KMT2C: variants seen among roughly 807,000 people sequenced by gnomAD.
The protein encoded by KMT2C is histone-lysine N-methyltransferase 2C.
Under a neutral mutation model 507.9 loss-of-function variants are expected in KMT2C, and 88 were observed. The ratio of observed to expected loss-of-function variants is 0.17; its 90% CI spans 0.15 to 0.21. The LOEUF is 0.21. Ranked by LOEUF, KMT2C falls within the 10% of genes least tolerant of loss-of-function variation. KMT2C has a pLI of 1.00. For synonymous variants in KMT2C, 2,049 were observed against 2,080.8 expected, an observed-to-expected ratio of 0.98 and a Z score of 0.42; for missense variants, 4,954 against 5,957.8, an observed-to-expected ratio of 0.83 and a Z score of 5.55.
intron 31 of KMT2C, among the ~76,000 whole-genome samples, chr7:152,192,155 T>C (rs2093815727): frequency 6.6e-6 from 1 of 152,238 alleles, no homozygotes; most frequent in Non-Finnish European, 1.5e-5. Flanking sequence ...ACATCTTTGA[T>C]TTTTAAAATA....
intron 3 of KMT2C, among the ~76,000 whole-genome samples, chr7:152,323,833 G>A (rs1171258442): frequency 1.4e-5 from 2 of 145,748 alleles, no homozygotes; most frequent in African/African-American, 5.3e-5. Flanking sequence ...TTAAGGAAGA[G>A]TGGGGAGAGA....
intron 6 of KMT2C, among the ~76,000 whole-genome samples, chr7:152,308,673 CAAA>C (rs938826373): frequency 0.021 from 514 of 24,490 alleles, 8 homozygotes; most frequent in African/African-American, 0.073. Context: ...AAACTCCTCT[CAAA>C]AAAAAAAAAA....
At chr7:152,426,235 T>C (rs908539863) in intron 1 of KMT2C, among the ~76,000 whole-genome samples, 1 of 145,626 alleles carries the variant, frequency 6.9e-6, no homozygotes. Context: ...TCATAGTTTT[T>C]TTTTTTTTTT....
At chr7:152,301,497 G>A (rs1446585497) in intron 6 of KMT2C, among the ~76,000 whole-genome samples, 1 of 152,000 alleles carries the variant, frequency 6.6e-6, no homozygotes, top group East Asian at 1.9e-4. Context: ...GACAGTGTGA[G>A]ACTCCATCTC....
chr7:152,198,179 A>T (rs935811028), intron 27 of KMT2C, among the ~76,000 whole-genome samples: 44 of 152,230 alleles, frequency 2.9e-4, no homozygotes, highest in Admixed American at 8.5e-4. Context: ...ACAGAATTAA[A>T]GTAGGAGGTA....
chr7:152,159,075 A>G lies in KMT2C; in HGVS notation c.11461-3T>C, dbSNP rs754380558. ...TGCATTTGAGCCCCCAAAGTTTGCT[A>G]ATGTAATTGGAAAGGGTAAAAAATA... On this transcript the variant is annotated splice_region_variant and splice_polypyrimidine_tract_variant and intron_variant, in intron 43 of 58. Transcript: ENST00000262189. 27 of 1,613,792 alleles carry G rather than the reference A, an allele frequency of 1.7e-5. No individual in the cohort carries two copies. Among genetic ancestry groups the G allele is most frequent in the Middle Eastern group, 1.6e-4 (1 of 6,082 alleles).
At chr7:152,206,000 A>T (rs2094298925) in intron 24 of KMT2C, among the ~76,000 whole-genome samples, 1 of 152,168 alleles carries the variant, frequency 6.6e-6, no homozygotes, top group African/African-American at 2.4e-5. Flanking sequence ...GGACACATAG[A>T]GCCCTGTGTT....
In KMT2C at chr7:152,179,893, A is replaced by G. The variant is rs1428575676; in HGVS notation, c.7383T>C (p.Asp2461=). The change falls in exon 37 of 59, where the codon GAT becomes GAC. Residue 2461 remains aspartate, a synonymous_variant. Coordinates refer to ENST00000262189, the MANE Select transcript of KMT2C (RefSeq NM_170606.3). ...LGPRYAVFPK[D]QRGPYPPDVA... ...CATCAGGAGGATAGGGTCCACGCTG[A>G]TCTTTTGGGAAAACAGCATATCTAG... 3.7e-6 allele frequency: 6 copies of G among 1,614,002 alleles called. No individual in the cohort carries two copies. The highest frequency in any genetic ancestry group is 5.1e-6 in the Non-Finnish European group (6 of 1,179,990).
chr7:152,190,297 A>G (rs950693912), intron 31 of KMT2C, among the ~76,000 whole-genome samples: 1 of 152,218 alleles, frequency 6.6e-6, no homozygotes, highest in Non-Finnish European at 1.5e-5. Context: ...TGTGATCCAT[A>G]CTGTAGCTAG....
chr7:152,388,748 G>A (rs963434532), intron 1 of KMT2C, among the ~76,000 whole-genome samples: 1 of 150,838 alleles, frequency 6.6e-6, no homozygotes, highest in Admixed American at 6.6e-5. Flanking sequence ...GGACTACTTA[G>A]ACTTTTTTTT....
intron 40 of KMT2C, 93 bp from the exon 41 acceptor site, chr7:152,169,342 A>G (rs1283985026): frequency 2.8e-6 from 2 of 727,190 alleles, no homozygotes; most frequent in Admixed American, 2.5e-5. Flanking sequence ...AAAGAAATGG[A>G]AGAAAAAACC....
At chr7:152,249,828 A>G (rs2095536157) in intron 13 of KMT2C, 48 bp downstream of exon 13, 1 of 1,174,512 alleles carries the variant, frequency 8.5e-7, no homozygotes, top group African/African-American at 1.5e-5. Context: ...GGATAAAGAC[A>G]TTATCTTGTA....
At chr7:152,193,465 CTG>C (rs1453886654) in intron 31 of KMT2C, among the ~76,000 whole-genome samples, 1 of 152,136 alleles carries the variant, frequency 6.6e-6, no homozygotes, top group Non-Finnish European at 1.5e-5. Flanking sequence ...AACACATACT[CTG>C]TGGCAGGGCA....
At chr7:152,369,618 C>T (rs1311484365) in intron 1 of KMT2C, among the ~76,000 whole-genome samples, 2 of 152,158 alleles carry the variant, frequency 1.3e-5, no homozygotes, top group African/African-American at 4.8e-5. Flanking sequence ...GAAAGGAGTT[C>T]TCACTCTTGG....
chr7:152,297,356 G>T lies in KMT2C; in HGVS notation c.849+12610C>A, dbSNP rs560513722. ...GAATAACTGCACAGAATGCTGAGAGGAGACAGTTGCATAGAAAAGAACCCC... is the reference window on the plus strand; with the variant it reads ...GAATAACTGCACAGAATGCTGAGAGTAGACAGTTGCATAGAAAAGAACCCC... On this transcript the variant is annotated intron_variant, in intron 6 of 58. Coordinates refer to ENST00000262189, the MANE Select transcript of KMT2C (RefSeq NM_170606.3). Among the ~76,000 whole-genome samples, 4 of 152,258 alleles carry T rather than the reference G, an allele frequency of 2.6e-5. No individual in the cohort carries two copies. In the South Asian group the frequency reaches 8.3e-4, roughly 32 times the overall value.
intron 1 of KMT2C, among the ~76,000 whole-genome samples, chr7:152,361,994 T>TGA (rs1359109486): frequency 1.3e-5 from 2 of 152,142 alleles, no homozygotes; most frequent in African/African-American, 4.8e-5. Flanking sequence ...CCTTTGTGTC[T>TGA]GACTCTGTTC....
intron 6 of KMT2C, among the ~76,000 whole-genome samples, chr7:152,295,776 T>C (rs1404838451): frequency 1.3e-5 from 2 of 152,126 alleles, no homozygotes; most frequent in Non-Finnish European, 2.9e-5. Context: ...GTTTAAGATA[T>C]GAACGCTCGG....
chr7:152,145,814 A>G (rs1259059724), intron 53 of KMT2C, among the ~76,000 whole-genome samples: 1 of 152,268 alleles, frequency 6.6e-6, no homozygotes, highest in East Asian at 1.9e-4. Context: ...TCCTGGGAGC[A>G]TAAAGCATAG....
intron 46 of KMT2C, 56 bp downstream of exon 46, chr7:152,155,854 A>T (rs1563172155): frequency 2.6e-6 from 4 of 1,510,812 alleles, no homozygotes; most frequent in East Asian, 2.4e-5. Context: ...ACATACATTT[A>T]TTTTTTTTAA....
Sources: gnomAD v4.1 joint callset for allele counts (sites outside exome capture counted in the v4.1 genomes callset) on GRCh38, gnomAD v4.1.1 for gene constraint, MANE v1.5 for transcripts, NCBI Gene and HGNC (gene_info 2026-07-23, HGNC 2026-07-21) for gene names.